ATP6V1E2: variants seen among roughly 807,000 people sequenced by gnomAD.
ATP6V1E2 encodes the protein V-type proton ATPase subunit E 2.
For synonymous variants in ATP6V1E2, 121 were observed against 104.2 expected (o/e 1.16, Z -0.98); for missense variants, 308 against 273.3 (o/e 1.13, Z -0.90).
rs936231945 is a variant in ATP6V1E2 at position 46,527,539 on chromosome 2, A to T, written c.-102+8274T>A. 2.0e-5 allele frequency among the ~76,000 whole-genome samples: 3 copies of T among 151,400 alleles called. No individual in the cohort carries two copies. In the East Asian group the frequency reaches 5.8e-4, roughly 29 times the overall value. ...CCCGGCTAGTCCAACTAATTTTTAA[A>T]TTTTTTTGTAGAGGAAGGAGTCTCA... is the stretch of plus-strand genomic sequence containing the variant. On this transcript the variant is annotated intron_variant, in intron 4 of 4. Coordinates refer to ENST00000522587, the MANE Select transcript of ATP6V1E2 (RefSeq NM_001318063.2).
intron 4 of ATP6V1E2, chr2:46,528,186 T>G (rs903003369): frequency 2.0e-5 from 3 of 152,270 alleles, no homozygotes; most frequent in Non-Finnish European, 4.4e-5. Flanking sequence ...TATATGTATG[T>G]GTATGTATTC....
At chr2:46,539,756 G>C (rs1667631781) in intron 2 of ATP6V1E2, among the ~76,000 whole-genome samples, 1 of 152,172 alleles carries the variant, frequency 6.6e-6, no homozygotes. Context: ...CAGTGCTCTT[G>C]GCCTTTCCCA....
At chr2:46,539,344 T>C (rs1364412381) in intron 2 of ATP6V1E2, among the ~76,000 whole-genome samples, 2 of 152,342 alleles carry the variant, frequency 1.3e-5, no homozygotes, top group African/African-American at 4.8e-5. Context: ...AGTGCCTTCA[T>C]CTTTTGCTAC....
intron 4 of ATP6V1E2, among the ~76,000 whole-genome samples, chr2:46,516,576 A>T (rs1314369327): frequency 6.6e-6 from 1 of 152,248 alleles, no homozygotes; most frequent in African/African-American, 2.4e-5. Flanking sequence ...TCTGGGCAAC[A>T]GAATGAGACC....
At chr2:46,514,400 G>A (rs1687620084) in intron 4 of ATP6V1E2, among the ~76,000 whole-genome samples, 1 of 152,146 alleles carries the variant, frequency 6.6e-6, no homozygotes, top group Admixed American at 6.5e-5. Flanking sequence ...ATCTTTAAAA[G>A]GTTCCCTGGG....
At chr2:46,519,683 T>G (rs1439996627) in intron 4 of ATP6V1E2, 1 of 152,256 alleles carries the variant, frequency 6.6e-6, no homozygotes, top group Non-Finnish European at 1.5e-5. Flanking sequence ...CATTGGATTA[T>G]TGTAAGGATT....
chr2:46,530,772 A>C lies in ATP6V1E2; in HGVS notation c.-102+5041T>G, dbSNP rs1350214632. Among the ~76,000 whole-genome samples, 1 of 152,222 alleles carries C rather than the reference A, an allele frequency of 6.6e-6. No homozygotes were observed. The highest frequency in any genetic ancestry group is 1.5e-5 in the Non-Finnish European group (1 of 68,036). On this transcript the variant is annotated intron_variant, in intron 4 of 4. Transcript: ENST00000522587. The surrounding 1 kb of genome is among the most constrained non-coding windows in gnomAD (Gnocchi z 5.2). ...TGGCAGAAAGCAAAGGGGAAGCAAG[A>C]CACGTCTTACATGGCAGCAGGCAAG...
chr2:46,512,053 G>C lies in ATP6V1E2; in HGVS notation c.659C>G (p.Thr220Ser), dbSNP rs569673510. 6.2e-7 allele frequency: 1 copy of C among 1,607,024 alleles called. No homozygotes were observed. The highest frequency in any genetic ancestry group is 8.5e-7 in the Non-Finnish European group (1 of 1,176,764). The stretch of plus-strand genomic sequence containing the variant: ...GGCTTATATAAAGAACTTTCTGTTG[G>C]TGTTAGCACCAAACAAGGCCATTCG... The part of the protein sequence containing the change: ...EIRMALFGAN[T>S]NRKFFI The change falls in exon 5 of 5, where the codon ACC becomes AGC. Residue 220 changes from threonine (T) to serine (S), a missense_variant. Physicochemically the swap from Thr to Ser is moderately conservative, Grantham distance 58 (BLOSUM62 1). Transcript: ENST00000522587.
intron 4 of ATP6V1E2, among the ~76,000 whole-genome samples, chr2:46,515,104 C>A (rs1687655402): frequency 6.6e-6 from 1 of 151,990 alleles, no homozygotes; most frequent in African/African-American, 2.4e-5. Context: ...AGTTCATCAC[C>A]ACTAGACCTA....
rs773206811 is a variant in ATP6V1E2, at chr2:46,512,388, G to A, written c.324C>T (p.Asp108=). Reference sequence around the variant, plus strand: ...CCAGCAGCCCCTGGTAGACCTCTGGGTCCTCCACAATCCTGCTGAGTCTCA... The same window carrying A: ...CCAGCAGCCCCTGGTAGACCTCTGGATCCTCCACAATCCTGCTGAGTCTCA... ...AKLRLSRIVE[D]PEVYQGLLDK... is the part of the protein sequence containing the mutation. The change falls in exon 5 of 5, where the codon GAC becomes GAT. Residue 108 remains aspartate, a synonymous_variant. Transcript: ENST00000522587. The A allele has an allele frequency of 1.2e-6, 2 of 1,614,124 alleles. No homozygotes were observed. Among genetic ancestry groups the A allele is most frequent in the Non-Finnish European group, 8.5e-7 (1 of 1,180,028 alleles).
rs1043233475 is a variant in ATP6V1E2 at position 46,515,996 on chromosome 2, T to C, written c.-101-3184A>G. On this transcript the variant is annotated intron_variant, in intron 4 of 4. Coordinates refer to ENST00000522587, the MANE Select transcript of ATP6V1E2 (RefSeq NM_001318063.2). ...AAGATAGAACACTTATAAATATATA[T>C]GTACCCAACATCAGAGCACCCAAAT... 6.6e-5 allele frequency among the ~76,000 whole-genome samples: 10 copies of C among 152,286 alleles called. No homozygotes were observed. In the South Asian group the frequency reaches 1.7e-3, roughly 25 times the overall value.
intron 2 of ATP6V1E2, among the ~76,000 whole-genome samples, chr2:46,540,613 CTTTTTTTTT>C (rs59810518): frequency 7.8e-5 from 9 of 115,620 alleles, no homozygotes; most frequent in African/African-American, 1.0e-4. Flanking sequence ...TTTTCTGTAA[CTTTTTTTTT>C]TTTTTTTTTT....
chr2:46,517,724 G>A (rs1181558900), intron 4 of ATP6V1E2, among the ~76,000 whole-genome samples: 1 of 152,020 alleles, frequency 6.6e-6, no homozygotes, highest in African/African-American at 2.4e-5. Flanking sequence ...AAGGCCAACA[G>A]GCATAGGAAA....
chr2:46,515,763 T>G (rs1687685749), intron 4 of ATP6V1E2, among the ~76,000 whole-genome samples: 1 of 152,216 alleles, frequency 6.6e-6, no homozygotes, highest in Non-Finnish European at 1.5e-5. Flanking sequence ...AAACAAGATC[T>G]TACTATTTGC....
intron 4 of ATP6V1E2, chr2:46,519,483 T>C (rs1378182828): frequency 6.6e-6 from 1 of 152,236 alleles, no homozygotes; most frequent in East Asian, 1.9e-4. Context: ...AGGGAGGGCA[T>C]CCTCTTCATG....
intron 4 of ATP6V1E2, among the ~76,000 whole-genome samples, chr2:46,525,264 G>A (rs1666842189): frequency 6.6e-6 from 1 of 151,716 alleles, no homozygotes; most frequent in Non-Finnish European, 1.5e-5. Context: ...CACGAGGTCA[G>A]GAGATCGAGA....
rs561607470 is a variant in ATP6V1E2, at chr2:46,523,134, A to G, written c.-101-10322T>C. ...AAGTTCCTCGTAAATTCTGGATATT[A>G]GACCTTTGTCAGGTGAGTAGATTGA... On this transcript the variant is annotated intron_variant, in intron 4 of 4. Transcript: ENST00000522587. Among the ~76,000 whole-genome samples the G allele has an allele frequency of 3.0e-4, 46 of 152,244 alleles. 1 individual carries two copies. Among genetic ancestry groups the G allele is most frequent in the African/African-American group, 1.1e-3 (45 of 41,536 alleles).
chr2:46,521,936 C>T (rs565378250), intron 4 of ATP6V1E2, among the ~76,000 whole-genome samples: 3 of 110,706 alleles, frequency 2.7e-5, no homozygotes, highest in East Asian at 5.5e-4. Flanking sequence ...GTGATCCACC[C>T]GCCTCAGCCT....
At chr2:46,538,367 C>A (rs1387953833) in intron 2 of ATP6V1E2, among the ~76,000 whole-genome samples, 1 of 152,156 alleles carries the variant, frequency 6.6e-6, no homozygotes, top group Non-Finnish European at 1.5e-5. Context: ...CCTAGCTCTG[C>A]CACTTACCAG....
Sources: gnomAD v4.1 joint callset for allele counts (sites outside exome capture counted in the v4.1 genomes callset) on GRCh38, gnomAD v4.1.1 for gene constraint, Gnocchi (gnomAD v3.1) non-coding constraint, MANE v1.5 for transcripts, NCBI Gene and HGNC (gene_info 2026-07-23, HGNC 2026-07-21) for gene names.